Variants in FNDC3B observed in about 807,000 individuals in gnomAD.
FNDC3B encodes the protein fibronectin type III domain-containing protein 3B.
A neutral mutation model predicts 151.5 loss-of-function variants in FNDC3B; 12 were observed. The observed-to-expected ratio is 0.08, with a 90% CI of 0.05 to 0.13. The LOEUF (loss-of-function observed/expected upper bound fraction) is 0.13, where lower values mean the gene tolerates loss of function less well. Among genes scored for constraint, FNDC3B ranks in the 10% least tolerant of loss-of-function variants. The probability of loss-of-function intolerance (pLI) is 1.00; values close to 1 mark genes in which losing one functional copy is unlikely to be tolerated. For synonymous variants in FNDC3B, 528 were observed against 549.0 expected, an observed-to-expected ratio of 0.96 and a Z score of 0.54; for missense variants, 1,214 against 1,505.3, an observed-to-expected ratio of 0.81 and a Z score of 3.20.
chr3:172,073,429 C>T (rs141219552), intron 1 of FNDC3B, among the ~76,000 whole-genome samples: 7 of 152,292 alleles, frequency 4.6e-5, no homozygotes, highest in African/African-American at 1.2e-4. Context: ...AAACACACTT[C>T]GTTCCTGGCT....
chr3:172,247,111 G>A (rs1727819769), intron 4 of FNDC3B, among the ~76,000 whole-genome samples: 1 of 152,164 alleles, frequency 6.6e-6, no homozygotes, highest in Admixed American at 6.5e-5. Context: ...GCCTAGCCCT[G>A]GAAAAGTACT....
chr3:172,243,717 G>A (rs1727623907), intron 4 of FNDC3B, among the ~76,000 whole-genome samples: 1 of 152,066 alleles, frequency 6.6e-6, no homozygotes, highest in East Asian at 1.9e-4. Flanking sequence ...TTGTGCATGT[G>A]TCTTGTAAAT....
At chr3:172,388,470 A>G (rs1735840285) in intron 25 of FNDC3B, among the ~76,000 whole-genome samples, 1 of 152,242 alleles carries the variant, frequency 6.6e-6, no homozygotes, top group Admixed American at 6.5e-5. Context: ...TCAATAAAAA[A>G]AATCTCAAAT....
chr3:172,139,330 G>C (rs1441338987), intron 3 of FNDC3B, among the ~76,000 whole-genome samples: 1 of 152,180 alleles, frequency 6.6e-6, no homozygotes, highest in African/African-American at 2.4e-5. Flanking sequence ...CAAGAATGGT[G>C]TCATAGCTTG....
intron 1 of FNDC3B, among the ~76,000 whole-genome samples, chr3:172,046,176 G>A (rs1242800765): frequency 6.6e-6 from 1 of 152,156 alleles, no homozygotes; most frequent in African/African-American, 2.4e-5. Context: ...AGATGAGGAT[G>A]TTTGTCAGTT....
At chr3:172,115,112 G>A (rs1450768162) in intron 2 of FNDC3B, among the ~76,000 whole-genome samples, 1 of 152,170 alleles carries the variant, frequency 6.6e-6, no homozygotes, top group African/African-American at 2.4e-5. Context: ...CTAGGCAGTG[G>A]CCTCTGTGCT....
chr3:172,383,804 A>G (rs546960435), intron 25 of FNDC3B, among the ~76,000 whole-genome samples: 115 of 152,368 alleles, frequency 7.5e-4, no homozygotes, highest in East Asian at 2.3e-3. Context: ...AATCAGATCA[A>G]TGACTCTGAA....
At chr3:172,290,225 G>C (rs1730255968) in intron 7 of FNDC3B, among the ~76,000 whole-genome samples, 1 of 152,198 alleles carries the variant, frequency 6.6e-6, no homozygotes, top group South Asian at 2.1e-4. Flanking sequence ...GTGGATTCCA[G>C]TCATCTTTCT....
At chr3:172,088,971 G>T (rs1413791882) in intron 1 of FNDC3B, among the ~76,000 whole-genome samples, 1 of 152,042 alleles carries the variant, frequency 6.6e-6, no homozygotes, top group African/African-American at 2.4e-5. Context: ...AATATTCAGG[G>T]TTCTGTTTTA....
chr3:172,314,335 G>A (rs11929422), intron 11 of FNDC3B, among the ~76,000 whole-genome samples: 9,328 of 152,200 alleles, frequency 0.061, 1,014 homozygotes, highest in African/African-American at 0.21. Context: ...TTTTTGAGGT[G>A]CACAGAGACA....
intron 3 of FNDC3B, among the ~76,000 whole-genome samples, chr3:172,188,156 C>T (rs980000147): frequency 2.0e-5 from 3 of 151,568 alleles, no homozygotes; most frequent in Non-Finnish European, 4.4e-5. Flanking sequence ...CCACCACGCC[C>T]GGCTAATTTT....
chr3:172,260,652 G>C (rs150689293), intron 6 of FNDC3B, among the ~76,000 whole-genome samples: 2 of 152,210 alleles, frequency 1.3e-5, no homozygotes, highest in African/African-American at 4.8e-5. Flanking sequence ...CGTCCTGCAG[G>C]CTGGGTCAGT....
intron 3 of FNDC3B, among the ~76,000 whole-genome samples, chr3:172,153,913 G>A (rs73041136): frequency 6.6e-6 from 1 of 152,128 alleles, no homozygotes; most frequent in Non-Finnish European, 1.5e-5. Flanking sequence ...TAAACCAAAA[G>A]ACTAGAGTTT....
rs552503492 is a variant in FNDC3B, at chr3:172,242,920, C to T, written c.265-4613C>T. Among the ~76,000 whole-genome samples the T allele has an allele frequency of 3.6e-3, 550 of 152,302 alleles. 3 individuals are homozygous for T. The highest frequency in any genetic ancestry group is 0.013 in the African/African-American group (520 of 41,550). ...ATAAAACTTAATGCCTTTAACAGCA[C>T]CCAGGTCACCTCTTGAAGGCTCTGC... On this transcript the variant is annotated intron_variant, in intron 4 of 25. Coordinates refer to ENST00000415807, the MANE Select transcript of FNDC3B (RefSeq NM_022763.4).
intron 11 of FNDC3B, among the ~76,000 whole-genome samples, chr3:172,313,547 C>G (rs539653552): frequency 2.0e-5 from 3 of 152,344 alleles, no homozygotes; most frequent in Admixed American, 1.3e-4. Context: ...GTGTGCTCCT[C>G]AGTAGTCCAC....
intron 23 of FNDC3B, among the ~76,000 whole-genome samples, chr3:172,373,042 G>A (rs1734955451): frequency 6.6e-6 from 1 of 152,166 alleles, no homozygotes; most frequent in Non-Finnish European, 1.5e-5. Flanking sequence ...TTACAGAGGG[G>A]AGTGAAGGAT....
intron 2 of FNDC3B, among the ~76,000 whole-genome samples, chr3:172,120,471 A>G (rs1576882833): frequency 6.6e-6 from 1 of 152,160 alleles, no homozygotes. Context: ...CATTCAGTAA[A>G]TCTTTTTGAA....
intron 25 of FNDC3B, among the ~76,000 whole-genome samples, chr3:172,391,001 G>A (rs972330876): frequency 1.3e-5 from 2 of 152,152 alleles, no homozygotes; most frequent in African/African-American, 4.8e-5. Context: ...GTGTCACACT[G>A]TAGTCATTAG....
chr3:172,306,702 G>A (rs1186881325), intron 9 of FNDC3B, among the ~76,000 whole-genome samples: 1 of 152,192 alleles, frequency 6.6e-6, no homozygotes, highest in African/African-American at 2.4e-5. Flanking sequence ...AAGCACATAT[G>A]TTGCAGTGTT....
Sources: gnomAD v4.1 joint callset for allele counts (sites outside exome capture counted in the v4.1 genomes callset) on GRCh38, gnomAD v4.1.1 for gene constraint, MANE v1.5 for transcripts, NCBI Gene and HGNC (gene_info 2026-07-23, HGNC 2026-07-21) for gene names.